ACTN1: variants seen among roughly 807,000 people sequenced by gnomAD.
ACTN1 encodes actinin alpha 1, also known as alpha-actinin-1.
A neutral mutation model predicts 119.6 loss-of-function variants in ACTN1; 30 were observed. The ratio of observed to expected loss-of-function variants is 0.25; its 90% CI spans 0.19 to 0.34. ACTN1 has a LOEUF of 0.34. Ranked by LOEUF, ACTN1 falls within the 10% of genes least tolerant of loss-of-function variation. The pLI, the probability that ACTN1 is intolerant of heterozygous loss-of-function variation, is 1.00. For synonymous variants in ACTN1, 429 were observed against 472.6 expected (o/e 0.91, Z 1.20); for missense variants, 764 against 1,223.4 (o/e 0.62, Z 5.60).
Position 68,931,999 on chromosome 14 carries a change from A to AT in ACTN1, c.106-6328dup, listed in dbSNP as rs372342397. Among the ~76,000 whole-genome samples, 887 of 150,656 alleles carry AT rather than the reference A, an allele frequency of 5.9e-3. 8 individuals are homozygous for AT. The highest frequency in any genetic ancestry group is 0.02 in the African/African-American group (816 of 40,966). On this transcript the variant is annotated intron_variant, in intron 1 of 21. Transcript: ENST00000394419. ...GCCCTTGAAAATGTTGGTTTAGAGGATTTTTTTTTCAGCCTGCCAAGTAGC... is the reference window on the plus strand; with the variant it reads ...GCCCTTGAAAATGTTGGTTTAGAGGATTTTTTTTTTCAGCCTGCCAAGTAGC...
In ACTN1 at chr14:68,878,593, G is replaced by A. The variant is rs1031157659; in HGVS notation, c.2362-70C>T. 1 of 1,602,432 alleles carries A rather than the reference G, an allele frequency of 6.2e-7. No homozygotes were observed. The highest frequency in any genetic ancestry group is 1.7e-4 in the Middle Eastern group (1 of 6,046). On this transcript the variant is annotated intron_variant, in intron 19 of 21. Coordinates refer to ENST00000394419, the MANE Select transcript of ACTN1 (RefSeq NM_001130004.2). This position sits in a 1 kb window ranked among gnomAD's most constrained non-coding sequence, Gnocchi z 4.4. Reference sequence around the variant, plus strand: ...CAGGAAGAGGAAGGGCCGGCCCGGGGCCAGGAAGACAGGAACAGATGGCCA... The same window carrying A: ...CAGGAAGAGGAAGGGCCGGCCCGGGACCAGGAAGACAGGAACAGATGGCCA...
chr14:68,954,815 G>A (rs1332673268), intron 1 of ACTN1, among the ~76,000 whole-genome samples: 2 of 152,158 alleles, frequency 1.3e-5, no homozygotes, highest in Non-Finnish European at 2.9e-5. Flanking sequence ...CACATCACTC[G>A]CTCTATTAGA....
At chr14:68,959,991 A>G (rs2036474651) in intron 1 of ACTN1, among the ~76,000 whole-genome samples, 1 of 151,936 alleles carries the variant, frequency 6.6e-6, no homozygotes, top group African/African-American at 2.4e-5. Context: ...CATTCTTAAA[A>G]TAAGGTAAGC....
intron 3 of ACTN1, among the ~76,000 whole-genome samples, chr14:68,913,544 C>A (rs148611417): frequency 6.6e-6 from 1 of 152,214 alleles, no homozygotes; most frequent in Non-Finnish European, 1.5e-5. Flanking sequence ...GGATGGTATA[C>A]TCTAACATCT....
chr14:68,913,749 G>A (rs1221895347), intron 3 of ACTN1, among the ~76,000 whole-genome samples: 3 of 152,170 alleles, frequency 2.0e-5, no homozygotes, highest in East Asian at 1.9e-4. Context: ...TTGTAAACAG[G>A]GAAGTAAAAA....
Position 68,940,494 on chromosome 14 carries a change from G to A in ACTN1, c.106-14822C>T, listed in dbSNP as rs528301717. Among the ~76,000 whole-genome samples the A allele has an allele frequency of 3.9e-5, 6 of 152,122 alleles. No homozygotes were observed. In the South Asian group the frequency reaches 8.3e-4, roughly 21 times the overall value. On this transcript the variant is annotated intron_variant, in intron 1 of 21. Transcript: ENST00000394419. Reference sequence around the variant, plus strand: ...GGATGATGAAATCCACCCCTCCTGGGGTTGGGCTAAGAATTAAATAGCACA... The same window carrying A: ...GGATGATGAAATCCACCCCTCCTGGAGTTGGGCTAAGAATTAAATAGCACA...
intron 1 of ACTN1, among the ~76,000 whole-genome samples, chr14:68,948,040 G>A (rs1040815996): frequency 1.3e-5 from 2 of 152,202 alleles, no homozygotes; most frequent in Non-Finnish European, 1.5e-5. Flanking sequence ...GTTTCCTTCT[G>A]CAGGGGAAGC....
chr14:68,944,729 G>C (rs574544169), intron 1 of ACTN1, among the ~76,000 whole-genome samples: 86 of 152,236 alleles, frequency 5.6e-4, no homozygotes, highest in Non-Finnish European at 1.0e-3. Context: ...AGGCTGGGGA[G>C]TATTAGATGA....
chr14:68,975,360 G>C (rs2037026212), intron 1 of ACTN1, among the ~76,000 whole-genome samples: 1 of 152,234 alleles, frequency 6.6e-6, no homozygotes. Context: ...AAGGAAGAGA[G>C]AAAATAAAAT....
intron 8 of ACTN1, among the ~76,000 whole-genome samples, chr14:68,901,289 C>G (rs891933550): frequency 4.1e-5 from 6 of 146,042 alleles, no homozygotes; most frequent in African/African-American, 1.0e-4. Flanking sequence ...ACTCTGTCAC[C>G]CAGGCTGGAG....
chr14:68,896,758 T>G (rs1211822058), intron 8 of ACTN1, among the ~76,000 whole-genome samples: 1 of 152,140 alleles, frequency 6.6e-6, no homozygotes, highest in Non-Finnish European at 1.5e-5. Flanking sequence ...GATGGGCTGC[T>G]CTGGCCCCAG....
chr14:68,918,562 G>A (rs577963885), intron 3 of ACTN1, among the ~76,000 whole-genome samples: 4 of 150,900 alleles, frequency 2.7e-5, no homozygotes, highest in Admixed American at 2.6e-4. Context: ...TCCAGCCTGG[G>A]CGACAGAGTG....
At chr14:68,938,262 C>T (rs2035618905) in intron 1 of ACTN1, among the ~76,000 whole-genome samples, 1 of 152,200 alleles carries the variant, frequency 6.6e-6, no homozygotes, top group Non-Finnish European at 1.5e-5. Flanking sequence ...CTGACAACCA[C>T]CAGGCCTCTG....
chr14:68,909,879 C>A lies in ACTN1; in HGVS notation c.515+76G>T. The A allele has an allele frequency of 2.3e-6, 3 of 1,318,956 alleles. No individual in the cohort carries two copies. Among genetic ancestry groups the A allele is most frequent in the African/African-American group, 2.9e-5 (2 of 68,392 alleles). The allele number at this position is 1,318,956 out of a possible 1,614,324, so 81.7% of individuals were successfully genotyped here. On this transcript the variant is annotated intron_variant, in intron 5 of 21. Transcript: ENST00000394419. The surrounding 1 kb of genome is among the most constrained non-coding windows in gnomAD (Gnocchi z 4.1). ...CACTTTGTTCTAAAGCTGAGACTGA[C>A]CCAGCCAAGGGGGTCTGGGAGCTCC...
chr14:68,976,039 G>A (rs904510866), intron 1 of ACTN1, among the ~76,000 whole-genome samples: 1 of 152,206 alleles, frequency 6.6e-6, no homozygotes, highest in South Asian at 2.1e-4. Context: ...CACAAGAACG[G>A]GAACTTGGTC....
intron 1 of ACTN1, among the ~76,000 whole-genome samples, chr14:68,964,336 C>T (rs1487008689): frequency 6.6e-6 from 1 of 152,240 alleles, no homozygotes; most frequent in Non-Finnish European, 1.5e-5. Context: ...CCACCCCCAC[C>T]TCCACTGCTC....
At chr14:68,917,294 G>C (rs2140330049) in intron 3 of ACTN1, among the ~76,000 whole-genome samples, 1 of 152,234 alleles carries the variant, frequency 6.6e-6, no homozygotes. Context: ...CAGAGCCCCG[G>C]CTCCATTTCC....
At chr14:68,962,044 A>G (rs75741941) in intron 1 of ACTN1, among the ~76,000 whole-genome samples, 4,060 of 152,256 alleles carry the variant, frequency 0.027, 175 homozygotes, top group African/African-American at 0.092. Flanking sequence ...AGCCCACATC[A>G]GCTGAGTGGC....
At chr14:68,916,914 T>C (rs112472803) in intron 3 of ACTN1, among the ~76,000 whole-genome samples, 5 of 152,234 alleles carry the variant, frequency 3.3e-5, no homozygotes, top group African/African-American at 1.2e-4. Flanking sequence ...AGAAATTCCA[T>C]GTGACAGAAA....
Sources: allele counts gnomAD v4.1 joint callset (sites outside exome capture counted in the v4.1 genomes callset), GRCh38; gene constraint gnomAD v4.1.1; non-coding constraint Gnocchi (gnomAD v3.1); transcripts MANE v1.5; gene names NCBI Gene and HGNC (gene_info 2026-07-23, HGNC 2026-07-21).